The following SCUBE1 variants were observed in gnomAD, a reference collection of about 807,000 sequenced individuals.
SCUBE1 encodes signal peptide, CUB and EGF-like domain-containing protein 1.
A neutral mutation model predicts 124.4 loss-of-function variants in SCUBE1; 59 were observed. That is an observed-to-expected ratio of 0.47 (90% CI 0.38 to 0.59). The LOEUF (loss-of-function observed/expected upper bound fraction) is 0.59, where lower values mean the gene tolerates loss of function less well. Ranked by LOEUF, SCUBE1 falls within the 20% of genes least tolerant of loss-of-function variation. The probability of loss-of-function intolerance (pLI) is 0.00; values close to 1 mark genes in which losing one functional copy is unlikely to be tolerated. For synonymous variants in SCUBE1, 545 were observed against 550.9 expected (o/e 0.99, Z 0.15); for missense variants, 1,150 against 1,371.2 (o/e 0.84, Z 2.55).
intron 3 of SCUBE1, among the ~76,000 whole-genome samples, chr22:43,299,234 G>A (rs538279444): frequency 6.6e-6 from 1 of 152,194 alleles, no homozygotes; most frequent in Admixed American, 6.5e-5. Flanking sequence ...ACAGCGCCTG[G>A]CACACACAGA....
intron 6 of SCUBE1, among the ~76,000 whole-genome samples, chr22:43,250,856 A>G (rs563528975): frequency 6.6e-6 from 1 of 152,304 alleles, no homozygotes; most frequent in South Asian, 2.1e-4. Flanking sequence ...CAGGAGGAAC[A>G]TCACAGCCAG....
intron 7 of SCUBE1, among the ~76,000 whole-genome samples, chr22:43,236,580 C>A (rs966712518): frequency 4.6e-5 from 7 of 152,208 alleles, no homozygotes; most frequent in South Asian, 2.1e-4. Flanking sequence ...CTGGGCCTTG[C>A]GCCATCTGGC....
At chr22:43,224,386 G>A (rs1415047603) in intron 10 of SCUBE1, among the ~76,000 whole-genome samples, 1 of 152,232 alleles carries the variant, frequency 6.6e-6, no homozygotes, top group African/African-American at 2.4e-5. Context: ...TGTGTGTTCT[G>A]CTGCTGGGCA....
At chr22:43,238,743 G>A (rs771670784) in intron 7 of SCUBE1, 95 bp downstream of exon 7, 64 of 1,021,606 alleles carry the variant, frequency 6.3e-5, no homozygotes, top group Middle Eastern at 2.1e-4. Context: ...CGTGGCCCCC[G>A]TTCAGCCCAG....
In SCUBE1 at chr22:43,236,574, G is replaced by A. The variant is rs907068386; in HGVS notation, c.844+2264C>T. 1.4e-4 allele frequency among the ~76,000 whole-genome samples: 22 copies of A among 152,304 alleles called. 1 individual carries two copies. The highest frequency in any genetic ancestry group is 1.2e-3 in the Admixed American group (19 of 15,302). ...GGCCAAGCTTGTAGGGTAGCCCTGGGCCTTGCGCCATCTGGCCCGCCTCCT... is the reference window on the plus strand; with the variant it reads ...GGCCAAGCTTGTAGGGTAGCCCTGGACCTTGCGCCATCTGGCCCGCCTCCT... On this transcript the variant is annotated intron_variant, in intron 7 of 21. Coordinates refer to ENST00000360835, the MANE Select transcript of SCUBE1 (RefSeq NM_173050.5).
At chr22:43,270,467 C>G (rs112998433) in intron 4 of SCUBE1, 4,083 of 152,366 alleles carry the variant, frequency 0.027, 87 homozygotes, top group Middle Eastern at 0.044. Flanking sequence ...AACACACTGT[C>G]TCGCCAAGGC....
At chr22:43,290,745 T>A (rs1925326498) in intron 4 of SCUBE1, among the ~76,000 whole-genome samples, 1 of 152,192 alleles carries the variant, frequency 6.6e-6, no homozygotes, top group Non-Finnish European at 1.5e-5. Context: ...GCCCCACTCT[T>A]CCTGGCCACA....
At chr22:43,272,888 T>C (rs770021875) in intron 4 of SCUBE1, among the ~76,000 whole-genome samples, 22 of 152,230 alleles carry the variant, frequency 1.4e-4, no homozygotes, top group Non-Finnish European at 2.9e-5. Context: ...AGACAGTGAC[T>C]GTCCTGGGTC....
intron 21 of SCUBE1, among the ~76,000 whole-genome samples, chr22:43,204,414 T>G (rs1921134591): frequency 1.3e-5 from 2 of 152,050 alleles, no homozygotes; most frequent in African/African-American, 4.8e-5. Context: ...TTCTGCTGCC[T>G]CAGCCTCTCG....
chr22:43,269,817 G>A (rs1924222171), intron 4 of SCUBE1, among the ~76,000 whole-genome samples: 1 of 152,196 alleles, frequency 6.6e-6, no homozygotes, highest in African/African-American at 2.4e-5. Context: ...CACCAACGTT[G>A]AAGGGGGGTG....
chr22:43,343,327 CCCGCAGGCGCTGCTCGCTGCTCG>C lies in SCUBE1; in HGVS notation c.-89_-67del. ...GCGGGGACCCGACCGACCGGCCGCT[CCCGCAGGCGCTGCTCGCTGCTCG>C]CCGCTCCGCCACCGCTCGGGCTCCC... On this transcript the variant is annotated 5_prime_UTR_variant, in exon 1 of 22. Transcript: ENST00000360835. The C allele has an allele frequency of 1.3e-6, 1 of 790,682 alleles. No individual in the cohort carries two copies. Among genetic ancestry groups the C allele is most frequent in the Non-Finnish European group, 1.6e-6 (1 of 635,974 alleles). The allele number at this position is 790,682 out of a possible 1,614,324, so 49.0% of individuals were successfully genotyped here. A position where few individuals can be genotyped will look rare whatever the true frequency, so the allele number is the denominator to read the frequency against.
At chr22:43,307,065 C>T (rs527470484) in intron 3 of SCUBE1, among the ~76,000 whole-genome samples, 5 of 152,256 alleles carry the variant, frequency 3.3e-5, no homozygotes, top group Admixed American at 1.3e-4. Flanking sequence ...ACCACACAAA[C>T]GAGCCTGCTG....
At chr22:43,264,796 C>T (rs2146714522) in intron 4 of SCUBE1, among the ~76,000 whole-genome samples, 1 of 152,360 alleles carries the variant, frequency 6.6e-6, no homozygotes, top group Admixed American at 6.5e-5. Flanking sequence ...CTGCTCCTTC[C>T]TCCTGGGCCG....
At chr22:43,278,975 T>G (rs1329209642) in intron 4 of SCUBE1, among the ~76,000 whole-genome samples, 1 of 151,862 alleles carries the variant, frequency 6.6e-6, no homozygotes, top group African/African-American at 2.4e-5. Context: ...AAGGACAGTG[T>G]CCAGTCAGCC....
Position 43,325,491 on chromosome 22 carries a change from A to G in SCUBE1, c.221-5426T>C, listed in dbSNP as rs932461237. 4.7e-5 allele frequency among the ~76,000 whole-genome samples: 7 copies of G among 150,448 alleles called. 1 individual carries two copies. The highest frequency in any genetic ancestry group is 6.6e-5 in the Admixed American group (1 of 15,112). ...AAAGTGTTTCATGCTCCAAAAAGTC[A>G]TTAAGGAGAAAAGTGGGGAAGAGAT... On this transcript the variant is annotated intron_variant, in intron 2 of 21. Coordinates refer to ENST00000360835, the MANE Select transcript of SCUBE1 (RefSeq NM_173050.5).
intron 19 of SCUBE1, among the ~76,000 whole-genome samples, chr22:43,209,049 C>T (rs1921423576): frequency 6.6e-6 from 1 of 152,190 alleles, no homozygotes; most frequent in African/African-American, 2.4e-5. Flanking sequence ...GGAATGTGGT[C>T]CCAGGCCGGT....
At position 43,205,730 on chromosome 22, in the gene SCUBE1, C is replaced by T. The variant is rs1158326941; in HGVS notation, c.2815-1581G>A. ...CACTCACCACACACTCACCCCCACA[C>T]ACACCACACGCCCACTCACCACTCA... On this transcript the variant is annotated intron_variant, in intron 21 of 21. Transcript: ENST00000360835. Among the ~76,000 whole-genome samples the T allele has an allele frequency of 1.9e-5, 2 of 103,460 alleles. 1 individual carries two copies. Among genetic ancestry groups the T allele is most frequent in the Non-Finnish European group, 3.9e-5 (2 of 51,448 alleles). The allele number at this position is 103,460 out of a possible 152,430, so 67.9% of individuals were successfully genotyped here. A position where few individuals can be genotyped will look rare whatever the true frequency, so the allele number is the denominator to read the frequency against.
chr22:43,219,624 C>G (rs1234947187), intron 14 of SCUBE1, among the ~76,000 whole-genome samples: 2 of 151,802 alleles, frequency 1.3e-5, no homozygotes, highest in African/African-American at 4.8e-5. Flanking sequence ...CAGGTGCCTG[C>G]CACCACACCT....
chr22:43,222,887 G>A, intron 11 of SCUBE1, 145 bp from the exon 12 acceptor site: 1 of 933,598 alleles, frequency 1.1e-6, no homozygotes, highest in Non-Finnish European at 1.6e-6. Context: ...CCACAGGGAA[G>A]TGGCCAGGAG....
Sources: allele counts gnomAD v4.1 joint callset (sites outside exome capture counted in the v4.1 genomes callset), GRCh38; gene constraint gnomAD v4.1.1; transcripts MANE v1.5; gene names NCBI Gene and HGNC (gene_info 2026-07-23, HGNC 2026-07-21).